Variants in C2orf49 observed in about 807,000 individuals in gnomAD.
C2orf49 encodes the protein tRNA-splicing ligase complex subunit ASW.
Under a neutral mutation model 20.6 loss-of-function variants are expected in C2orf49, and 11 were observed. The observed-to-expected ratio is 0.53, with a 90% CI of 0.34 to 0.88. The LOEUF (loss-of-function observed/expected upper bound fraction) is 0.88. Ranked by LOEUF, C2orf49 falls within the 40% of genes least tolerant of loss-of-function variation. The pLI is 0.02. For missense variants in C2orf49, 289 were observed against 274.2 expected, an observed-to-expected ratio of 1.05 and a Z score of -0.38; for synonymous variants, 134 against 108.5, an observed-to-expected ratio of 1.24 and a Z score of -1.46.
chr2:105,338,619 G>T (rs771388097), intron 1 of C2orf49, among the ~76,000 whole-genome samples: 2 of 152,170 alleles, frequency 1.3e-5, no homozygotes, highest in Non-Finnish European at 2.9e-5. Flanking sequence ...AAAGTAATGG[G>T]CTTATGAATT....
At chr2:105,364,965 G>C in the C2orf49 span, among the ~76,000 whole-genome samples, 1 of 152,268 alleles carries the variant, frequency 6.6e-6, no homozygotes, top group Admixed American at 6.5e-5. Flanking sequence ...CTGCACAAGA[G>C]AATGAACACC....
At chr2:105,385,776 A>G in the C2orf49 span, 1 of 153,022 alleles carries the variant, frequency 6.5e-6, no homozygotes, top group African/African-American at 2.4e-5. Context: ...GGTACAAGTG[A>G]CCAGTGGTCT....
At chr2:105,357,445 A>G in the C2orf49 span, among the ~76,000 whole-genome samples, 7 of 152,180 alleles carry the variant, frequency 4.6e-5, no homozygotes, top group African/African-American at 1.7e-4. Flanking sequence ...TTTGGTGAGT[A>G]AAGTCATCTC....
At chr2:105,337,769 C>G (rs942243001) in intron 1 of C2orf49, 83 bp downstream of exon 1, 46 of 1,251,068 alleles carry the variant, frequency 3.7e-5, no homozygotes, top group Non-Finnish European at 4.7e-5. Context: ...AAGTAGCCCT[C>G]GGCAACCACG....
chr2:105,343,852 T>C (rs565390239), intron 3 of C2orf49, among the ~76,000 whole-genome samples: 3 of 151,562 alleles, frequency 2.0e-5, no homozygotes, highest in African/African-American at 7.2e-5. Flanking sequence ...GATTTATATA[T>C]ATATAATATA....
chr2:105,383,198 T>C, the C2orf49 span, among the ~76,000 whole-genome samples: 4 of 152,214 alleles, frequency 2.6e-5, no homozygotes, highest in African/African-American at 9.6e-5. Flanking sequence ...ATTTTTTCTT[T>C]AGTTGGTTGA....
chr2:105,371,469 T>C, the C2orf49 span, among the ~76,000 whole-genome samples: 1 of 152,060 alleles, frequency 6.6e-6, no homozygotes, highest in Non-Finnish European at 1.5e-5. Context: ...ATCTCTTCCC[T>C]GAGCCTCCAG....
At chr2:105,355,795 T>C in the C2orf49 span, among the ~76,000 whole-genome samples, 2 of 151,638 alleles carry the variant, frequency 1.3e-5, no homozygotes, top group African/African-American at 4.8e-5. Context: ...TGTGTGTGTG[T>C]GTGTGTGTGT....
Position 105,345,426 on chromosome 2 carries a change from C to T in C2orf49, c.*55C>T, listed in dbSNP as rs1679788105. On this transcript the variant is annotated 3_prime_UTR_variant, in exon 4 of 4. Coordinates refer to ENST00000258457, the MANE Select transcript of C2orf49 (RefSeq NM_024093.3). ...GTAACTGTAGTTTTTCAAATATGTTCATATATATTGACAATATTTACAGAA... is the reference window on the plus strand; with the variant it reads ...GTAACTGTAGTTTTTCAAATATGTTTATATATATTGACAATATTTACAGAA... The T allele has an allele frequency of 7.8e-7, 1 of 1,285,076 alleles. No homozygotes were observed. The allele number at this position is 1,285,076 out of a possible 1,614,324, so 79.6% of individuals were successfully genotyped here. A position where few individuals can be genotyped will look rare whatever the true frequency, so the allele number is the denominator to read the frequency against.
chr2:105,344,719 A>T (rs1322404166), intron 3 of C2orf49, among the ~76,000 whole-genome samples: 4 of 151,546 alleles, frequency 2.6e-5, no homozygotes, highest in African/African-American at 9.7e-5. Context: ...AGCTAGGATT[A>T]TAGGCGCCTG....
the C2orf49 span, chr2:105,360,044 C>G: frequency 2.0e-5 from 3 of 152,344 alleles, no homozygotes; most frequent in African/African-American, 7.2e-5. Context: ...GTGGCTCATG[C>G]CTATAATCCC....
At chr2:105,351,675 GTAT>G (rs141825234), downstream of C2orf49, among the ~76,000 whole-genome samples, 23,126 of 151,882 alleles carry the variant, frequency 0.15, 2,019 homozygotes, top group Middle Eastern at 0.22. Flanking sequence ...ATCCTTTCTG[GTAT>G]TATAGGATGC....
In C2orf49 at chr2:105,346,213, A is replaced by G. The variant is rs1266223266; in HGVS notation, c.*842A>G. 6.6e-6 allele frequency: 1 copy of G among 152,240 alleles called. No individual in the cohort carries two copies. The highest frequency in any genetic ancestry group is 1.9e-4 in the East Asian group (1 of 5,194). 9.4% of individuals were successfully genotyped at this position (152,240 alleles called of 1,614,324 possible). ...ATCTTTGTAGTAGTGCTGGAAAACT[A>G]TTCAGAATATACAGATAAAAATGCT... On this transcript the variant is annotated 3_prime_UTR_variant, in exon 4 of 4. Coordinates refer to ENST00000258457, the MANE Select transcript of C2orf49 (RefSeq NM_024093.3).
the C2orf49 span, chr2:105,363,142 C>CAGAT: frequency 0.051 from 35,912 of 703,248 alleles, 1,096 homozygotes; most frequent in Middle Eastern, 0.1. Context: ...GAGAGGAAAG[C>CAGAT]AGATAGGCAG....
chr2:105,343,299 G>A, intron 3 of C2orf49, 76 bp downstream of exon 3: 2 of 1,436,544 alleles, frequency 1.4e-6, no homozygotes, highest in South Asian at 1.4e-5. Flanking sequence ...GACGGGAGGT[G>A]GGTCGACTGT....
At chr2:105,367,352 G>A in the C2orf49 span, among the ~76,000 whole-genome samples, 3 of 152,290 alleles carry the variant, frequency 2.0e-5, no homozygotes, top group African/African-American at 2.4e-5. Flanking sequence ...AGGGTTAAAC[G>A]ATTTGATCAC....
At chr2:105,352,452 G>GTTTTTT (rs71379724), downstream of C2orf49, among the ~76,000 whole-genome samples, 540 of 68,030 alleles carry the variant, frequency 7.9e-3, no homozygotes, top group Middle Eastern at 0.015. Flanking sequence ...TTTTTTTTTC[G>GTTTTTT]TTTTTTTTTT....
At chr2:105,373,747 C>G in the C2orf49 span, 1 of 1,613,292 alleles carries the variant, frequency 6.2e-7, no homozygotes, top group Non-Finnish European at 8.5e-7. Flanking sequence ...TGGGGCCAGA[C>G]CACACAAGAC....
the C2orf49 span, among the ~76,000 whole-genome samples, chr2:105,371,218 T>G: frequency 1.3e-5 from 2 of 152,172 alleles, no homozygotes; most frequent in African/African-American, 4.8e-5. Context: ...CAGGTTTACT[T>G]GTTGCCGTGA....
Sources: gnomAD v4.1 joint callset for allele counts (sites outside exome capture counted in the v4.1 genomes callset) on GRCh38, gnomAD v4.1.1 for gene constraint, MANE v1.5 for transcripts, NCBI Gene and HGNC (gene_info 2026-07-23, HGNC 2026-07-21) for gene names.